RHBDD1: variants seen among roughly 807,000 people sequenced by gnomAD.
RHBDD1 encodes the protein rhomboid-related protein 4.
A neutral mutation model predicts 36.3 loss-of-function variants in RHBDD1; 38 were observed. The observed-to-expected ratio is 1.05, with a 90% CI of 0.81 to 1.37. RHBDD1 has a LOEUF of 1.37. Ranked by LOEUF, RHBDD1 falls within the 40% of genes most tolerant of loss-of-function variation. The probability of loss-of-function intolerance (pLI) is 0.00; values close to 1 mark genes in which losing one functional copy is unlikely to be tolerated. For synonymous variants in RHBDD1, 151 were observed against 136.5 expected (o/e 1.11, Z -0.74); for missense variants, 393 against 377.6 (o/e 1.04, Z -0.34).
At chr2:226,852,278 A>G (rs149292615) in intron 3 of RHBDD1, among the ~76,000 whole-genome samples, 13 of 152,330 alleles carry the variant, frequency 8.5e-5, no homozygotes, top group Middle Eastern at 6.8e-3. Context: ...TTCCGTTTTT[A>G]TAGCTGCCAC....
chr2:226,885,994 G>A (rs1946172019), intron 5 of RHBDD1, among the ~76,000 whole-genome samples: 1 of 152,186 alleles, frequency 6.6e-6, no homozygotes, highest in African/African-American at 2.4e-5. Context: ...GACAGCGTGA[G>A]ATTTCATCAC....
At chr2:226,908,673 C>A in intron 6 of RHBDD1, 149 bp from the exon 7 acceptor site, 1 of 654,610 alleles carries the variant, frequency 1.5e-6, no homozygotes, top group African/African-American at 1.8e-5. Context: ...AGGGCTGGCC[C>A]CCAAACAAAA....
intron 8 of RHBDD1, among the ~76,000 whole-genome samples, chr2:226,934,010 G>A (rs1575153193): frequency 6.6e-6 from 1 of 152,158 alleles, no homozygotes; most frequent in East Asian, 1.9e-4. Context: ...ATAATACTGA[G>A]TTTTGAAAAG....
intron 3 of RHBDD1, among the ~76,000 whole-genome samples, chr2:226,846,636 C>G (rs1233717898): frequency 6.6e-6 from 1 of 150,458 alleles, no homozygotes; most frequent in East Asian, 2.0e-4. Flanking sequence ...CCCAGCTACT[C>G]AGGAGGCTGA....
At chr2:226,824,420 C>T in the RHBDD1 span, among the ~76,000 whole-genome samples, 1 of 152,142 alleles carries the variant, frequency 6.6e-6, no homozygotes, top group African/African-American at 2.4e-5. Flanking sequence ...ATATATCTAA[C>T]ATTCTCAGGT....
intron 5 of RHBDD1, among the ~76,000 whole-genome samples, chr2:226,884,679 A>G (rs1020301309): frequency 1.7e-4 from 26 of 152,212 alleles, no homozygotes; most frequent in African/African-American, 6.3e-4. Flanking sequence ...TAACATAAAA[A>G]TCAGTAGAGA....
intron 3 of RHBDD1, among the ~76,000 whole-genome samples, chr2:226,840,627 A>G (rs567753372): frequency 1.4e-4 from 22 of 152,318 alleles, no homozygotes; most frequent in African/African-American, 4.8e-4. Context: ...AAGGCCACAT[A>G]CTAGTACATG....
At chr2:226,810,068 A>C in the RHBDD1 span, among the ~76,000 whole-genome samples, 1 of 152,214 alleles carries the variant, frequency 6.6e-6, no homozygotes. Context: ...TGAACAATGC[A>C]GGCATTAGGA....
intron 8 of RHBDD1, among the ~76,000 whole-genome samples, chr2:226,934,545 T>C (rs866447331): frequency 6.6e-6 from 1 of 152,226 alleles, no homozygotes; most frequent in Middle Eastern, 3.4e-3. Context: ...TGGCCATAAT[T>C]ACAAGTCCTA....
At chr2:226,883,617 G>A (rs1329297046) in intron 5 of RHBDD1, among the ~76,000 whole-genome samples, 2 of 152,180 alleles carry the variant, frequency 1.3e-5, no homozygotes, top group Non-Finnish European at 2.9e-5. Flanking sequence ...GTGTGTGGAT[G>A]ATAACACCTA....
intron 5 of RHBDD1, among the ~76,000 whole-genome samples, chr2:226,901,031 T>C (rs917835449): frequency 1.3e-5 from 2 of 152,166 alleles, no homozygotes; most frequent in African/African-American, 4.8e-5. Context: ...CCCCTATTTC[T>C]CCCATCCCTA....
intron 8 of RHBDD1, among the ~76,000 whole-genome samples, chr2:226,954,485 TA>T (rs1307463767): frequency 6.6e-6 from 1 of 152,168 alleles, no homozygotes; most frequent in Non-Finnish European, 1.5e-5. Flanking sequence ...TTAGTGACAA[TA>T]AAAATATTAG....
At chr2:226,872,188 G>T (rs191086009) in intron 5 of RHBDD1, among the ~76,000 whole-genome samples, 182 of 152,064 alleles carry the variant, frequency 1.2e-3, no homozygotes, top group Non-Finnish European at 2.0e-3. Context: ...TGGTTTTATG[G>T]GTTCTCCTTA....
At chr2:226,925,367 G>A (rs1008919672) in intron 8 of RHBDD1, among the ~76,000 whole-genome samples, 1 of 151,938 alleles carries the variant, frequency 6.6e-6, no homozygotes, top group African/African-American at 2.4e-5. Flanking sequence ...AATCAGTTGT[G>A]GTTTCATTGT....
chr2:226,835,558 G>A (rs1256690478), upstream of RHBDD1: 1 of 152,270 alleles, frequency 6.6e-6, no homozygotes, highest in Non-Finnish European at 1.5e-5. Context: ...CCGCCTAACA[G>A]GCGGTATCTG....
At chr2:226,958,051 A>G (rs1951898476) in intron 8 of RHBDD1, among the ~76,000 whole-genome samples, 1 of 152,248 alleles carries the variant, frequency 6.6e-6, no homozygotes. Context: ...TTTAAGAGAA[A>G]TGAAAACATA....
At chr2:226,864,546 G>T in intron 3 of RHBDD1, 58 bp from the exon 4 acceptor site, 1 of 670,862 alleles carries the variant, frequency 1.5e-6, no homozygotes, top group Non-Finnish European at 2.6e-6. Context: ...AAGCGAGTAT[G>T]TCTTATATAT....
At chr2:226,877,027 T>G (rs1028007453) in intron 5 of RHBDD1, among the ~76,000 whole-genome samples, 17 of 152,202 alleles carry the variant, frequency 1.1e-4, no homozygotes, top group African/African-American at 3.9e-4. Context: ...GAAGGTCAGT[T>G]TGGCCTCATA....
chr2:226,843,107 T>C (rs574266275), intron 3 of RHBDD1, among the ~76,000 whole-genome samples: 3 of 152,306 alleles, frequency 2.0e-5, no homozygotes, highest in African/African-American at 7.2e-5. Context: ...CTAGCAATTT[T>C]TGCACATTGA....
Sources: allele counts gnomAD v4.1 joint callset (sites outside exome capture counted in the v4.1 genomes callset), GRCh38; gene constraint gnomAD v4.1.1; transcripts MANE v1.5; gene names NCBI Gene and HGNC (gene_info 2026-07-23, HGNC 2026-07-21).